Variants in CADM2 observed in about 807,000 individuals in gnomAD.
CADM2 encodes immunoglobulin superfamily member 4D.
In CADM2, 12 loss-of-function variants were observed where a neutral mutation model predicts 49.8. That is an observed-to-expected ratio of 0.24 (90% CI 0.15 to 0.39). CADM2 has a LOEUF of 0.39. Among genes scored for constraint, CADM2 ranks in the 10% least tolerant of loss-of-function variants. The probability of loss-of-function intolerance (pLI) is 1.00; values close to 1 mark genes in which losing one functional copy is unlikely to be tolerated. For missense variants in CADM2, 378 were observed against 492.3 expected (o/e 0.77, Z 2.20); for synonymous variants, 214 against 175.4 (o/e 1.22, Z -1.74).
At chr3:85,277,591 G>A (rs2043389277) in intron 1 of CADM2, among the ~76,000 whole-genome samples, 1 of 151,302 alleles carries the variant, frequency 6.6e-6, no homozygotes, top group Non-Finnish European at 1.5e-5. Context: ...ACATTGTTAT[G>A]CTATGTTCTA....
intron 1 of CADM2, among the ~76,000 whole-genome samples, chr3:85,619,402 A>T (rs1191539523): frequency 6.6e-6 from 1 of 152,136 alleles, no homozygotes; most frequent in East Asian, 1.9e-4. Flanking sequence ...AAAGAAGGAA[A>T]AAAAATAATT....
At chr3:86,035,231 A>G (rs1457699560) in intron 8 of CADM2, among the ~76,000 whole-genome samples, 1 of 151,946 alleles carries the variant, frequency 6.6e-6, no homozygotes, top group Non-Finnish European at 1.5e-5. Flanking sequence ...TCTCTCTTGA[A>G]CCTGAGACTT....
intron 1 of CADM2, among the ~76,000 whole-genome samples, chr3:85,586,306 C>T (rs1049009728): frequency 6.6e-6 from 1 of 151,998 alleles, no homozygotes; most frequent in African/African-American, 2.4e-5. Context: ...CAGGATAAAT[C>T]AAATTCTAAG....
At chr3:85,299,084 T>G in intron 1 of CADM2, among the ~76,000 whole-genome samples, 1 of 152,080 alleles carries the variant, frequency 6.6e-6, no homozygotes, top group East Asian at 1.9e-4. Flanking sequence ...AAAGATTCAT[T>G]ATTTTTTAAA....
At chr3:85,119,243 C>A (rs1263571069) in intron 1 of CADM2, among the ~76,000 whole-genome samples, 1 of 152,062 alleles carries the variant, frequency 6.6e-6, no homozygotes, top group African/African-American at 2.4e-5. Context: ...GAAACCCTGT[C>A]TCTACAAAAA....
chr3:85,132,701 T>C (rs879874577), intron 1 of CADM2, among the ~76,000 whole-genome samples: 5 of 152,054 alleles, frequency 3.3e-5, no homozygotes, highest in Non-Finnish European at 4.4e-5. Context: ...ATGCCTTCAC[T>C]AAGGAGGTAT....
chr3:85,936,947 T>C (rs1721248813), intron 7 of CADM2, among the ~76,000 whole-genome samples: 1 of 151,694 alleles, frequency 6.6e-6, no homozygotes, highest in Admixed American at 6.6e-5. Context: ...CAAAAGTACA[T>C]TTGTATACAT....
chr3:85,892,444 T>C (rs1714577247), intron 5 of CADM2, among the ~76,000 whole-genome samples: 1 of 152,168 alleles, frequency 6.6e-6, no homozygotes, highest in African/African-American at 2.4e-5. Flanking sequence ...AATCCCCGTA[T>C]GTCATGGGAA....
chr3:86,042,777 A>G (rs965065162), intron 8 of CADM2, among the ~76,000 whole-genome samples: 3 of 152,166 alleles, frequency 2.0e-5, no homozygotes, highest in Non-Finnish European at 4.4e-5. Flanking sequence ...ACACAACAAA[A>G]AATGACTATT....
rs77734236 is a variant in CADM2, at chr3:85,296,568, C to A, written c.61+336900C>A. 1.5e-3 allele frequency among the ~76,000 whole-genome samples: 222 copies of A among 152,076 alleles called. 3 individuals are homozygous for A. In the East Asian group the frequency reaches 0.042, roughly 29 times the overall value. ...TTTCCACTACAAATTCTGCTACATA[C>A]AGAAACACAGATATATTAATAAATG... On this transcript the variant is annotated intron_variant, in intron 1 of 9. Transcript: ENST00000383699.
At chr3:85,713,560 A>AT (rs2067188909) in intron 1 of CADM2, among the ~76,000 whole-genome samples, 3 of 152,190 alleles carry the variant, frequency 2.0e-5, no homozygotes, top group Non-Finnish European at 4.4e-5. Flanking sequence ...GGCACTCCAT[A>AT]AGACACTTAC....
chr3:85,903,329 T>C (rs1177167095), intron 5 of CADM2, among the ~76,000 whole-genome samples: 1 of 152,056 alleles, frequency 6.6e-6, no homozygotes, highest in Non-Finnish European at 1.5e-5. Flanking sequence ...CTTTTCTATC[T>C]GAGATCACTT....
In CADM2 at chr3:85,254,789, T is replaced by C. The variant is rs552018978; in HGVS notation, c.61+295121T>C. 2.0e-3 allele frequency among the ~76,000 whole-genome samples: 306 copies of C among 152,154 alleles called. 2 individuals carry two copies. Among genetic ancestry groups the C allele is most frequent in the Non-Finnish European group, 2.6e-3 (179 of 67,992 alleles). Reference sequence around the variant, plus strand: ...TTGGGGGTGAGTGGAAAGGGCTGTATGGCAGGAGCTCTACATTTTGGTTGA... The same window carrying C: ...TTGGGGGTGAGTGGAAAGGGCTGTACGGCAGGAGCTCTACATTTTGGTTGA... On this transcript the variant is annotated intron_variant, in intron 1 of 9. Transcript: ENST00000383699.
intron 8 of CADM2, among the ~76,000 whole-genome samples, chr3:85,986,886 A>G (rs1053867992): frequency 6.6e-6 from 1 of 152,082 alleles, no homozygotes; most frequent in African/African-American, 2.4e-5. Context: ...TTGGGGGTCC[A>G]GGATTTTTAG....
At chr3:85,554,577 T>C (rs2107139883) in intron 1 of CADM2, among the ~76,000 whole-genome samples, 1 of 152,348 alleles carries the variant, frequency 6.6e-6, no homozygotes, top group Non-Finnish European at 1.5e-5. Context: ...TGATAAATTA[T>C]CATACCACTG....
chr3:85,085,862 A>G (rs9832634), intron 1 of CADM2, among the ~76,000 whole-genome samples: 4,436 of 152,198 alleles, frequency 0.029, 106 homozygotes, highest in Non-Finnish European at 0.042. Context: ...CAGTATGCCT[A>G]TGAGCAGCAC....
chr3:85,188,831 A>G (rs1167085937), intron 1 of CADM2, among the ~76,000 whole-genome samples: 2 of 151,976 alleles, frequency 1.3e-5, no homozygotes, highest in East Asian at 1.9e-4. Context: ...GGAGATCGAG[A>G]CCATCCTGGC....
intron 1 of CADM2, among the ~76,000 whole-genome samples, chr3:85,110,537 A>G (rs530873672): frequency 1.7e-4 from 26 of 152,048 alleles, no homozygotes; most frequent in South Asian, 1.7e-3. Context: ...ATCATATGTT[A>G]TAGTGCAAAG....
intron 3 of CADM2, among the ~76,000 whole-genome samples, chr3:85,877,692 T>TTTTTTTTTTTTTTTTTTA (rs1712111906): frequency 6.8e-6 from 1 of 146,894 alleles, no homozygotes; most frequent in African/African-American, 2.5e-5. Flanking sequence ...CTGTTTTTTT[T>TTTTTTTTTTTTTTTTTTA]TTTTTTTTTT....
Sources: allele counts gnomAD v4.1 joint callset (sites outside exome capture counted in the v4.1 genomes callset), GRCh38; gene constraint gnomAD v4.1.1; transcripts MANE v1.5; gene names NCBI Gene and HGNC (gene_info 2026-07-23, HGNC 2026-07-21).